The following MRPS2 variants were observed in gnomAD, a reference collection of about 807,000 sequenced individuals.
MRPS2 encodes small ribosomal subunit protein uS2m.
MRPS2 carries 13 observed loss-of-function variants against 18.9 expected under a neutral mutation model. That is an observed-to-expected ratio of 0.69 (90% CI 0.45 to 1.09). MRPS2 has a LOEUF of 1.09. Among genes scored for constraint, MRPS2 ranks in the 50% least tolerant of loss-of-function variants. The pLI, the probability that MRPS2 is intolerant of heterozygous loss-of-function variation, is 0.00. For synonymous variants in MRPS2, 186 were observed against 178.4 expected, an observed-to-expected ratio of 1.04 and a Z score of -0.34; for missense variants, 389 against 421.7, an observed-to-expected ratio of 0.92 and a Z score of 0.68.
chr9:135,500,892 G>C, intron 1 of MRPS2, 106 bp from the exon 2 acceptor site: 1 of 1,563,022 alleles, frequency 6.4e-7, no homozygotes, highest in Non-Finnish European at 8.7e-7. Context: ...GCGGGGACGC[G>C]GAGGGGACCC....
Position 135,501,923 on chromosome 9 carries a change from C to T in MRPS2, c.249C>T (p.Ser83=), listed in dbSNP as rs752207597. The change falls in exon 3 of 4, where the codon AGC becomes AGT. Residue 83 remains serine (S), a synonymous_variant. Transcript: ENST00000241600. ...FNVKELFSVR[S]LFDARVHLGH... The stretch of plus-strand genomic sequence containing the variant: ...TCAAGGAACTGTTTTCCGTGAGAAG[C>T]CTCTTCGATGCCCGAGTCCATCTGG... The T allele has an allele frequency of 4.9e-5, 79 of 1,613,708 alleles. 1 individual carries two copies. Among genetic ancestry groups the T allele is most frequent in the Non-Finnish European group, 6.5e-5 (77 of 1,180,012 alleles).
chr9:135,502,989 A>T, intron 3 of MRPS2: 1 of 526,162 alleles, frequency 1.9e-6, no homozygotes, highest in Non-Finnish European at 2.4e-6. Context: ...AATGTGGATG[A>T]CTCGCCTGTC....
At chr9:135,500,575 T>G (rs1831086633), upstream of MRPS2, 1 of 987,250 alleles carries the variant, frequency 1.0e-6, no homozygotes. Context: ...CGCAGGGAGG[T>G]CCCAGCCGCC....
chr9:135,501,367 G>T (rs1831128287), intron 2 of MRPS2: 3 of 1,367,376 alleles, frequency 2.2e-6, no homozygotes, highest in Non-Finnish European at 2.8e-6. Context: ...CACAGGCTTC[G>T]CTCCCTAGGG....
chr9:135,500,922 C>G, intron 1 of MRPS2, 76 bp from the exon 2 acceptor site: 1 of 1,592,378 alleles, frequency 6.3e-7, no homozygotes, highest in Non-Finnish European at 8.6e-7. Context: ...GCGGAGGGGC[C>G]CGTTGGGGAT....
At chr9:135,503,115 C>T in intron 3 of MRPS2, 4 of 1,031,164 alleles carry the variant, frequency 3.9e-6, no homozygotes, top group Non-Finnish European at 4.7e-6. Context: ...CTGCCCTGAT[C>T]CCTTAATGCT....
chr9:135,501,281 C>T, intron 2 of MRPS2, 158 bp downstream of exon 2: 1 of 1,430,874 alleles, frequency 7.0e-7, no homozygotes, highest in African/African-American at 1.5e-5. Flanking sequence ...TCGGTCCTGC[C>T]TGACGTAGCA....
rs548395258 is a variant in MRPS2 at position 135,502,358 on chromosome 9, G to A, written c.299+385G>A. 28 of 856,906 alleles carry A rather than the reference G, an allele frequency of 3.3e-5. No individual in the cohort carries two copies. The East Asian group carries it at 4.5e-4, about 14-fold the overall frequency. The allele number at this position is 856,906 out of a possible 1,614,324, so 53.1% of individuals were successfully genotyped here. On this transcript the variant is annotated intron_variant, in intron 3 of 3. Transcript: ENST00000241600. ...CTCACATGGTCATTTTGACTGCTGT[G>A]GGGGGAGGGGATGGGAGGGGCAGGT...
Position 135,504,347 on chromosome 9 carries a change from G to A in MRPS2, c.*214G>A. On this transcript the variant is annotated 3_prime_UTR_variant, in exon 4 of 4. Coordinates refer to ENST00000241600, the MANE Select transcript of MRPS2 (RefSeq NM_016034.5). This position sits in a 1 kb window ranked among gnomAD's most constrained non-coding sequence, Gnocchi z 4.3. ...GTGGGGAACAGAGCACAGAGGGTGA[G>A]CGACATGTGCAGAACGGCCCCTTGG... is the stretch of plus-strand genomic sequence containing the variant. 1.7e-6 allele frequency: 1 copy of A among 599,138 alleles called. No individual in the cohort carries two copies. Among genetic ancestry groups the A allele is most frequent in the South Asian group, 2.0e-5 (1 of 49,388 alleles). The allele number at this position is 599,138 out of a possible 1,614,324, so 37.1% of individuals were successfully genotyped here.
rs1237969520 is a variant in MRPS2 at position 135,503,974 on chromosome 9, G to A, written c.732G>A (p.Leu244=). The change falls in exon 4 of 4, where the codon CTG becomes CTA. Residue 244 remains leucine (L), a synonymous_variant. Coordinates refer to ENST00000241600, the MANE Select transcript of MRPS2 (RefSeq NM_016034.5). ...YPVPGNDDSP[L]AVHLYCRLFQ... is the part of the protein sequence containing the mutation. ...TACCCGGCAATGACGACTCTCCGCT[G>A]GCTGTGCACCTCTACTGCAGGCTCT... is the stretch of plus-strand genomic sequence containing the variant. 5.0e-6 allele frequency: 8 copies of A among 1,613,764 alleles called. No individual in the cohort carries two copies. The highest frequency in any genetic ancestry group is 1.1e-5 in the South Asian group (1 of 91,090).
intron 3 of MRPS2, 25 bp downstream of exon 3, chr9:135,501,998 C>T (rs1831157133): frequency 6.2e-7 from 1 of 1,612,644 alleles, no homozygotes; most frequent in East Asian, 2.2e-5. Flanking sequence ...CATCTGAGCC[C>T]GGGGCGGTTC....
chr9:135,500,331 TACAA>T (rs145919386), upstream of MRPS2: 2,847 of 323,924 alleles, frequency 8.8e-3, 81 homozygotes, highest in African/African-American at 0.056. Context: ...GTTTAAATAT[TACAA>T]ACAGTTTTGG....
chr9:135,501,379 G>A (rs912959483), intron 2 of MRPS2: 15 of 1,327,686 alleles, frequency 1.1e-5, no homozygotes, highest in African/African-American at 1.5e-5. Context: ...TCCCTAGGGG[G>A]GTGTCACTGG....
At chr9:135,502,229 G>C (rs1453952625) in intron 3 of MRPS2, 1 of 1,299,152 alleles carries the variant, frequency 7.7e-7, no homozygotes. Flanking sequence ...GGACTCCACG[G>C]GTTCAGAAAT....
At chr9:135,500,654 G>C (rs1438627990), upstream of MRPS2, 3 of 1,404,572 alleles carry the variant, frequency 2.1e-6, no homozygotes, top group East Asian at 8.7e-5. Context: ...GGCGACGGAA[G>C]GGGAGGCCGC....
In MRPS2 at chr9:135,503,584, C is replaced by T. The variant is rs772323208; in HGVS notation, c.342C>T (p.Asp114=). ...PYIFGSRLDH[D]IIDLEQTATH... ...TCTTTGGGAGCCGCCTGGACCACGACATCATCGACCTGGAACAGACAGCCA... is the reference window on the plus strand; with the variant it reads ...TCTTTGGGAGCCGCCTGGACCACGATATCATCGACCTGGAACAGACAGCCA... Residue 114 remains aspartate (D), a synonymous_variant, in exon 4 of 4, where the codon GAC becomes GAT. Coordinates refer to ENST00000241600, the MANE Select transcript of MRPS2 (RefSeq NM_016034.5). 4 of 1,613,700 alleles carry T rather than the reference C, an allele frequency of 2.5e-6. No individual in the cohort carries two copies. Among genetic ancestry groups the T allele is most frequent in the East Asian group, 2.2e-5 (1 of 44,860 alleles).
chr9:135,503,500 C>G, intron 3 of MRPS2, 42 bp from the exon 4 acceptor site: 1 of 1,572,124 alleles, frequency 6.4e-7, no homozygotes, highest in Non-Finnish European at 8.7e-7. Context: ...GAGATGGCCC[C>G]GTGAACTCTC....
intron 3 of MRPS2, among the ~76,000 whole-genome samples, chr9:135,502,844 T>C (rs548654345): frequency 6.6e-6 from 1 of 152,238 alleles, no homozygotes; most frequent in East Asian, 1.9e-4. Context: ...TCTCTGTTGA[T>C]GCTGCTGAGA....
rs75780593 is a variant in MRPS2, at chr9:135,504,226, T to C, written c.*93T>C. 2,955 of 1,158,422 alleles carry C rather than the reference T, an allele frequency of 2.6e-3. 19 individuals carry two copies. In the Middle Eastern group the frequency reaches 0.036, roughly 14 times the overall value. The allele number at this position is 1,158,422 out of a possible 1,614,324, so 71.8% of individuals were successfully genotyped here. ...CTGGGTCAGCGGCATCCTCAGTCGT[T>C]GTTACTTACTCAGCTGATGTCACAG... On this transcript the variant is annotated 3_prime_UTR_variant, in exon 4 of 4. Coordinates refer to ENST00000241600, the MANE Select transcript of MRPS2 (RefSeq NM_016034.5). This position sits in a 1 kb window ranked among gnomAD's most constrained non-coding sequence, Gnocchi z 4.3.
Sources: gnomAD v4.1 joint callset for allele counts (sites outside exome capture counted in the v4.1 genomes callset) on GRCh38, gnomAD v4.1.1 for gene constraint, Gnocchi (gnomAD v3.1) non-coding constraint, MANE v1.5 for transcripts, NCBI Gene and HGNC (gene_info 2026-07-23, HGNC 2026-07-21) for gene names.